Variants in LY75 observed in about 807,000 individuals in gnomAD.
The protein encoded by LY75 is C-type lectin domain family 13 member B.
LY75 carries 185 observed loss-of-function variants against 231.7 expected under a neutral mutation model. The observed-to-expected ratio is 0.80, with a 90% CI of 0.71 to 0.90. LY75 has a LOEUF of 0.90. LY75 is among the 40% of genes least tolerant of loss of function. The pLI is 0.00. For missense variants in LY75, 1,947 were observed against 2,050.2 expected, an observed-to-expected ratio of 0.95 and a Z score of 0.97; for synonymous variants, 668 against 689.0, an observed-to-expected ratio of 0.97 and a Z score of 0.48.
intron 15 of LY75, among the ~76,000 whole-genome samples, chr2:159,859,549 T>C (rs1396788736): frequency 6.6e-6 from 1 of 152,208 alleles, no homozygotes; most frequent in Non-Finnish European, 1.5e-5. Flanking sequence ...AGCATACATC[T>C]TATAGCTAGC....
In LY75 at chr2:159,860,853, C is replaced by T. The variant is rs1684680656; in HGVS notation, c.2236G>A (p.Asp746Asn). 1.2e-6 allele frequency: 2 copies of T among 1,613,864 alleles called. No homozygotes were observed. Among genetic ancestry groups the T allele is most frequent in the Non-Finnish European group, 1.7e-6 (2 of 1,179,918 alleles). ...TIIMPNEFQQ[D>N]YDIRDCAAVK... ...GCAGCACAGTCTCTGATGTCATAAT[C>T]CTGCTGAAACTCATTTGGCATGATA... Residue 746 changes from aspartate to asparagine, a missense_variant, in exon 15 of 35, where the codon GAT becomes AAT. Transcript: ENST00000263636.
intron 3 of LY75, among the ~76,000 whole-genome samples, chr2:159,893,351 C>G (rs1229277923): frequency 3.3e-5 from 5 of 152,156 alleles, no homozygotes; most frequent in Non-Finnish European, 7.4e-5. Context: ...TTCTTCAGCC[C>G]TTTTTCTGTC....
chr2:159,849,723 C>T (rs1165398109), intron 23 of LY75, among the ~76,000 whole-genome samples: 1 of 152,142 alleles, frequency 6.6e-6, no homozygotes, highest in Non-Finnish European at 1.5e-5. Flanking sequence ...CAGAGTTACA[C>T]AACCATCACC....
chr2:159,904,620 G>T lies in LY75; in HGVS notation c.63C>A (p.Phe21Leu), dbSNP rs770260536. 1.3e-6 allele frequency: 2 copies of T among 1,509,122 alleles called. No homozygotes were observed. The highest frequency in any genetic ancestry group is 2.5e-5 in the South Asian group (2 of 81,178). 93.5% of individuals were successfully genotyped at this position (1,509,122 alleles called of 1,614,324 possible). Residue 21 changes from phenylalanine (F) to leucine (L), a missense_variant, in exon 1 of 35, where the codon TTC becomes TTA. Coordinates refer to ENST00000263636, the MANE Select transcript of LY75 (RefSeq NM_002349.4). Reference protein sequence around the residue: ...PAGLLMLLFWFFDLAEPSGRA... With the variant: ...PAGLLMLLFWLFDLAEPSGRA... ...GGCCAGAGGGCTCCGCGAGATCGAAGAACCAGAAGAGCAGCATGAGGAGCC... is the reference window on the plus strand; with the variant it reads ...GGCCAGAGGGCTCCGCGAGATCGAATAACCAGAAGAGCAGCATGAGGAGCC...
rs148621398 is a variant in LY75, at chr2:159,862,153, G to A, written c.2200-1264C>T. 5.3e-3 allele frequency among the ~76,000 whole-genome samples: 805 copies of A among 152,208 alleles called. 5 individuals carry two copies. Among genetic ancestry groups the A allele is most frequent in the African/African-American group, 0.018 (755 of 41,532 alleles). On this transcript the variant is annotated intron_variant, in intron 14 of 34. Coordinates refer to ENST00000263636, the MANE Select transcript of LY75 (RefSeq NM_002349.4). ...ATCTCTACTAAAAAATTAGTTGGGCGTGGTGGCACATGCCTGAAGTCCCAG... is the reference window on the plus strand; with the variant it reads ...ATCTCTACTAAAAAATTAGTTGGGCATGGTGGCACATGCCTGAAGTCCCAG...
At chr2:159,886,284 A>G (rs574727835) in intron 5 of LY75, 136 bp downstream of exon 5, 1 of 948,862 alleles carries the variant, frequency 1.1e-6, no homozygotes, top group Non-Finnish European at 1.4e-6. Flanking sequence ...TGGTTTAGGA[A>G]GAAAAAATTC....
In LY75 at chr2:159,846,220, A is replaced by G. The variant is rs1053119864; in HGVS notation, c.3150+3760T>C. 1.2e-4 allele frequency among the ~76,000 whole-genome samples: 18 copies of G among 151,838 alleles called. 1 individual carries two copies. Among genetic ancestry groups the G allele is most frequent in the African/African-American group, 3.9e-4 (16 of 41,172 alleles). On this transcript the variant is annotated intron_variant, in intron 23 of 34. Coordinates refer to ENST00000263636, the MANE Select transcript of LY75 (RefSeq NM_002349.4). ...TGTAACATGCTATCAGAAAGGGGAAAAAAAAAACACACAAAAAACAGAGGC... is the reference window on the plus strand; with the variant it reads ...TGTAACATGCTATCAGAAAGGGGAAGAAAAAAACACACAAAAAACAGAGGC...
In LY75 at chr2:159,840,798, C is replaced by G; in HGVS notation, c.3438G>C (p.Gln1146His). The change falls in exon 25 of 35, where the codon CAG (glutamine) becomes CAC (histidine). Residue 1146 changes from glutamine to histidine, a missense_variant. Physicochemically the swap from Gln to His is conservative, Grantham distance 24. Transcript: ENST00000263636. ...MQLVSITDPY[Q>H]QAFLSVQALL... Reference sequence around the variant, plus strand: ...GCGCCTGCACACTGAGGAATGCCTGCTGGTAAGGGTCCGTGATGCTCACCA... The same window carrying G: ...GCGCCTGCACACTGAGGAATGCCTGGTGGTAAGGGTCCGTGATGCTCACCA... 1 of 1,614,096 alleles carries G rather than the reference C, an allele frequency of 6.2e-7. No individual in the cohort carries two copies. Among genetic ancestry groups the G allele is most frequent in the Non-Finnish European group, 8.5e-7 (1 of 1,179,988 alleles).
Position 159,872,604 on chromosome 2 carries a change from T to C in LY75, c.1975-11A>G, listed in dbSNP as rs1179677294. On this transcript the variant is annotated splice_polypyrimidine_tract_variant and intron_variant, in intron 12 of 34. Coordinates refer to ENST00000263636, the MANE Select transcript of LY75 (RefSeq NM_002349.4). ...TTCTGCATGGAATACCTTAGCAAAATATAATATTAATTTGTTTTATGGTAT... is the reference window on the plus strand; with the variant it reads ...TTCTGCATGGAATACCTTAGCAAAACATAATATTAATTTGTTTTATGGTAT... The C allele has an allele frequency of 2.5e-6, 4 of 1,606,646 alleles. No individual in the cohort carries two copies. In the Admixed American group the frequency reaches 5.2e-5, roughly 21 times the overall value.
intron 1 of LY75, among the ~76,000 whole-genome samples, chr2:159,899,642 G>A (rs1470610535): frequency 4.6e-5 from 7 of 152,178 alleles, no homozygotes; most frequent in Non-Finnish European, 7.3e-5. Flanking sequence ...TGAGGCCTCT[G>A]TGCTCCTCTG....
chr2:159,867,068 C>T (rs12692569), intron 13 of LY75, among the ~76,000 whole-genome samples: 1 of 151,872 alleles, frequency 6.6e-6, no homozygotes, highest in African/African-American at 2.4e-5. Flanking sequence ...CAGCTTCCTA[C>T]AGAAAAGAGT....
At chr2:159,816,259 T>C (rs1331698562) in intron 30 of LY75, among the ~76,000 whole-genome samples, 1 of 152,220 alleles carries the variant, frequency 6.6e-6, no homozygotes, top group Non-Finnish European at 1.5e-5. Flanking sequence ...CAGATGTCTT[T>C]ACTAGCAGAA....
chr2:159,891,079 C>T (rs1170109678), intron 3 of LY75, among the ~76,000 whole-genome samples: 2 of 152,124 alleles, frequency 1.3e-5, no homozygotes, highest in African/African-American at 2.4e-5. Context: ...TATTCAGAGC[C>T]TCCTGTGTAC....
At chr2:159,830,809 T>G (rs1238511904) in intron 28 of LY75, among the ~76,000 whole-genome samples, 3 of 152,152 alleles carry the variant, frequency 2.0e-5, no homozygotes, top group Non-Finnish European at 2.9e-5. Flanking sequence ...CTCAAACTCC[T>G]GACCTCTGGT....
Position 159,864,844 on chromosome 2 carries a change from T to C in LY75, c.2194A>G (p.Thr732Ala). ...LQGSWQWSDR[T>A]PVSTIIMPNE... ...ACAATAACGTTTTAACTTACTGGTG[T>C]ACGATCACTCCATTGCCAGGATCCT... The change falls in exon 14 of 35, where the codon ACA (threonine) becomes GCA (alanine). Residue 732 changes from threonine to alanine, a missense_variant. Thr to Ala is a moderately conservative substitution (Grantham distance 58). Transcript: ENST00000263636. 6.3e-7 allele frequency: 1 copy of C among 1,597,914 alleles called. No homozygotes were observed. Among genetic ancestry groups the C allele is most frequent in the Non-Finnish European group, 8.5e-7 (1 of 1,172,602 alleles).
chr2:159,831,221 A>C (rs2125840908), intron 28 of LY75, among the ~76,000 whole-genome samples: 1 of 152,130 alleles, frequency 6.6e-6, no homozygotes, highest in Admixed American at 6.5e-5. Flanking sequence ...AGTGAGTTCT[A>C]ATGAGTTCTG....
chr2:159,830,566 C>T (rs1683619353), intron 28 of LY75, among the ~76,000 whole-genome samples: 1 of 150,812 alleles, frequency 6.6e-6, no homozygotes, highest in African/African-American at 2.4e-5. Context: ...CATTGTCAGA[C>T]CATGTGTCTC....
chr2:159,898,551 G>A, intron 2 of LY75, 137 bp downstream of exon 2: 2 of 1,389,506 alleles, frequency 1.4e-6, no homozygotes, highest in Non-Finnish European at 1.9e-6. Flanking sequence ...CAAAGTAACT[G>A]CACAGTGCCT....
intron 28 of LY75, among the ~76,000 whole-genome samples, chr2:159,820,350 C>T (rs1211115534): frequency 6.6e-6 from 1 of 152,176 alleles, no homozygotes; most frequent in Admixed American, 6.6e-5. Context: ...GAATACTACT[C>T]AGCCATAAAA....
Sources: allele counts gnomAD v4.1 joint callset (sites outside exome capture counted in the v4.1 genomes callset), GRCh38; gene constraint gnomAD v4.1.1; transcripts MANE v1.5; gene names NCBI Gene and HGNC (gene_info 2026-07-23, HGNC 2026-07-21).